The following ROR2 variants were observed in gnomAD, a reference collection of about 807,000 sequenced individuals.
ROR2 encodes ROR family WNT receptor 2.
In ROR2, 33 loss-of-function variants were observed where a neutral mutation model predicts 74.9. The observed-to-expected ratio is 0.44, with a 90% CI of 0.33 to 0.59. ROR2 has a LOEUF of 0.59. Among genes scored for constraint, ROR2 ranks in the 20% least tolerant of loss-of-function variants. The pLI is 0.02. For missense variants in ROR2, 1,216 were observed against 1,313.8 expected (o/e 0.93, Z 1.15); for synonymous variants, 586 against 558.7 (o/e 1.05, Z -0.69).
intron 2 of ROR2, among the ~76,000 whole-genome samples, chr9:91,758,832 C>T (rs985740797): frequency 6.6e-6 from 1 of 152,204 alleles, no homozygotes; most frequent in African/African-American, 2.4e-5. Context: ...TGTGCCTGCA[C>T]ACGCAGGTGT....
chr9:91,726,850 G>A, intron 7 of ROR2, 107 bp from the exon 8 acceptor site: 1 of 1,020,244 alleles, frequency 9.8e-7, no homozygotes, highest in Non-Finnish European at 1.5e-6. Flanking sequence ...ACGTGCACGT[G>A]TGTCATCACC....
chr9:91,925,472 G>C (rs1831373127), intron 1 of ROR2, among the ~76,000 whole-genome samples: 1 of 150,954 alleles, frequency 6.6e-6, no homozygotes, highest in African/African-American at 2.5e-5. Context: ...CTGTATGTGT[G>C]TGTGTGTGTG....
At chr9:91,839,780 G>T (rs1435490453) in intron 1 of ROR2, among the ~76,000 whole-genome samples, 1 of 151,774 alleles carries the variant, frequency 6.6e-6, no homozygotes, top group Non-Finnish European at 1.5e-5. Context: ...CCTCTCTACT[G>T]GGTGATGTGT....
At chr9:91,817,794 A>G (rs575636053) in intron 1 of ROR2, among the ~76,000 whole-genome samples, 1 of 152,300 alleles carries the variant, frequency 6.6e-6, no homozygotes, top group South Asian at 2.1e-4. Flanking sequence ...CTTAGGGAGT[A>G]AAAGCAAAAA....
intron 1 of ROR2, among the ~76,000 whole-genome samples, chr9:91,893,312 C>G (rs935634065): frequency 3.3e-5 from 5 of 152,056 alleles, no homozygotes; most frequent in African/African-American, 1.2e-4. Context: ...TGGTGGTACA[C>G]GCCTGTAGTC....
chr9:91,798,395 CGGGGCTGACACCCTGGGCTCTGTGGGT>C (rs1361548073), intron 1 of ROR2, among the ~76,000 whole-genome samples: 5 of 64,450 alleles, frequency 7.8e-5, no homozygotes, highest in Admixed American at 4.0e-4. Context: ...GGCTAGTGGG[CGGGGCTGACACCCTGGGCTCTGTGGGT>C]GGGGCTGACA....
chr9:91,783,569 A>T (rs1826693731), intron 1 of ROR2, among the ~76,000 whole-genome samples: 1 of 151,934 alleles, frequency 6.6e-6, no homozygotes, highest in South Asian at 2.1e-4. Context: ...TGAGACCGGC[A>T]GTCCTCCCAC....
intron 1 of ROR2, among the ~76,000 whole-genome samples, chr9:91,915,376 G>A (rs975755937): frequency 2.0e-5 from 3 of 152,166 alleles, no homozygotes; most frequent in Non-Finnish European, 2.9e-5. Flanking sequence ...CTTCCGGTAG[G>A]TTCACAGTCT....
chr9:91,815,202 T>C (rs991196015), intron 1 of ROR2, among the ~76,000 whole-genome samples: 4 of 152,214 alleles, frequency 2.6e-5, no homozygotes, highest in African/African-American at 4.8e-5. Flanking sequence ...TCCAGTAACA[T>C]TAAAAAATAC....
chr9:91,783,889 G>A (rs547358765), intron 1 of ROR2, among the ~76,000 whole-genome samples: 4 of 152,056 alleles, frequency 2.6e-5, no homozygotes, highest in South Asian at 2.1e-4. Flanking sequence ...GCCTCCACCC[G>A]CTTGTAAGTC....
At chr9:91,891,161 G>A (rs1830408902) in intron 1 of ROR2, among the ~76,000 whole-genome samples, 2 of 151,984 alleles carry the variant, frequency 1.3e-5, no homozygotes, top group Admixed American at 6.5e-5. Flanking sequence ...ATTAAGTTAC[G>A]GTTCTGTACA....
intron 1 of ROR2, among the ~76,000 whole-genome samples, chr9:91,783,739 C>T (rs1203098314): frequency 6.6e-6 from 1 of 152,216 alleles, no homozygotes; most frequent in Non-Finnish European, 1.5e-5. Flanking sequence ...GGAGGGCACA[C>T]CAGGGATGGA....
intron 1 of ROR2, among the ~76,000 whole-genome samples, chr9:91,890,685 G>A (rs1435467194): frequency 2.0e-5 from 3 of 152,280 alleles, no homozygotes; most frequent in East Asian, 3.9e-4. Context: ...AATAGTGAGA[G>A]CTTGCTCTTA....
intron 1 of ROR2, among the ~76,000 whole-genome samples, chr9:91,871,930 C>A (rs1587806651): frequency 1.3e-5 from 2 of 152,206 alleles, no homozygotes. Flanking sequence ...GACTGCAGCC[C>A]CCACCAGCAT....
At chr9:91,807,342 C>T (rs1174252713) in intron 1 of ROR2, among the ~76,000 whole-genome samples, 1 of 152,188 alleles carries the variant, frequency 6.6e-6, no homozygotes. Context: ...GGTGGGGCAC[C>T]CCAACTCCAC....
At chr9:91,780,403 G>T (rs926398332) in intron 1 of ROR2, among the ~76,000 whole-genome samples, 1 of 150,742 alleles carries the variant, frequency 6.6e-6, no homozygotes, top group Non-Finnish European at 1.5e-5. Context: ...AAGAAAGAAA[G>T]AAATTATATA....
chr9:91,754,396 C>A (rs1294953831), intron 4 of ROR2, among the ~76,000 whole-genome samples: 1 of 151,902 alleles, frequency 6.6e-6, no homozygotes, highest in Non-Finnish European at 1.5e-5. Flanking sequence ...GTGGCTCATG[C>A]CTGTAATCTC....
At chr9:91,914,236 A>G (rs2119442256) in intron 1 of ROR2, among the ~76,000 whole-genome samples, 1 of 152,262 alleles carries the variant, frequency 6.6e-6, no homozygotes, top group East Asian at 1.9e-4. Context: ...CACTTGGTTG[A>G]TAGCTTATTC....
intron 1 of ROR2, among the ~76,000 whole-genome samples, chr9:91,789,265 A>G (rs947236025): frequency 1.3e-5 from 2 of 152,242 alleles, no homozygotes; most frequent in East Asian, 3.8e-4. Flanking sequence ...AATTTAAAAA[A>G]TGAGAAAATC....
Sources: allele counts gnomAD v4.1 joint callset (sites outside exome capture counted in the v4.1 genomes callset), GRCh38; gene constraint gnomAD v4.1.1; transcripts MANE v1.5; gene names NCBI Gene and HGNC (gene_info 2026-07-23, HGNC 2026-07-21).